Variants in ZNF91 observed in about 807,000 individuals in gnomAD.
The protein encoded by ZNF91 is zinc finger protein 91, also known as zinc finger protein 91 (HPF7, HTF10).
ZNF91 carries 7 observed loss-of-function variants against 12.6 expected under a neutral mutation model. The observed-to-expected ratio is 0.55, with a 90% CI of 0.31 to 1.04. The LOEUF (loss-of-function observed/expected upper bound fraction) is 1.04. Ranked by LOEUF, ZNF91 falls within the 50% of genes least tolerant of loss-of-function variation. ZNF91 has a pLI of 0.05. For synonymous variants in ZNF91, 453 were observed against 462.6 expected (o/e 0.98, Z 0.27); for missense variants, 1,217 against 1,385.4 (o/e 0.88, Z 1.93).
At chr19:23,321,262 T>TATA (rs1467797024) in intron 1 of ZNF91, among the ~76,000 whole-genome samples, 1 of 152,126 alleles carries the variant, frequency 6.6e-6, no homozygotes, top group Non-Finnish European at 1.5e-5. Context: ...ATGACTCTAT[T>TATA]CTCAAGCCTT....
At chr19:23,306,351 C>T (rs1967398837) in intron 3 of ZNF91, among the ~76,000 whole-genome samples, 1 of 152,232 alleles carries the variant, frequency 6.6e-6, no homozygotes. Flanking sequence ...TGATTTGACA[C>T]ATCTGCCTGG....
At position 23,359,879 on chromosome 19, in the gene ZNF91, A is replaced by C; in HGVS notation, c.3100T>G (p.Ser1034Ala). The stretch of plus-strand genomic sequence containing the variant: ...ATCTTATGTGTAGTAAGCTTTGAGG[A>C]TCGATTAAAAGCTTTGCCACATTCT... ...CEECGKAFNR[S>A]SKLTTHKIIH... is the part of the protein sequence containing the mutation. Residue 1034 changes from serine to alanine, a missense_variant, in exon 4 of 4, where the codon TCC becomes GCC. Ser to Ala is a moderately conservative substitution (Grantham distance 99). Around this residue, in one of 2 missense-constraint regions of ZNF91, gnomAD observed 491 missense variants for 489.8 expected, o/e 1.00. Transcript: ENST00000300619. The C allele has an allele frequency of 6.3e-7, 1 of 1,589,004 alleles. No homozygotes were observed. Among genetic ancestry groups the C allele is most frequent in the Non-Finnish European group, 8.6e-7 (1 of 1,160,642 alleles).
At position 23,362,438 on chromosome 19, in the gene ZNF91, A is replaced by G. The variant is rs775092892; in HGVS notation, c.541T>C (p.Cys181Arg). ...RHTIRHTGKK[C>R]FKCKKCVKSF... ...TTGACACATTTTTTACATTTGAAGC[A>G]TTTCTTTCCAGTATGTCTTATCGTA... The change falls in exon 4 of 4, where the codon TGC becomes CGC. Residue 181 changes from cysteine (C) to arginine (R), a missense_variant. This residue lies in a region of ZNF91 where 726 missense variants were observed against 895.5 expected (regional missense o/e 0.81). Coordinates refer to ENST00000300619, the MANE Select transcript of ZNF91 (RefSeq NM_003430.4). 2.2e-5 allele frequency: 35 copies of G among 1,613,718 alleles called. No individual in the cohort carries two copies. The highest frequency in any genetic ancestry group is 1.1e-5 in the South Asian group (1 of 91,054).
Position 23,309,325 on chromosome 19 carries a change from G to A in ZNF91, n.17-228C>T, listed in dbSNP as rs150480463. ...AATAGATGTGACTCTCTTCCTCTGC[G>A]TTCATGCTGCTTATAGAAAAGATTG... On this transcript the variant is annotated intron_variant and non_coding_transcript_variant, in intron 1 of 3. Transcript: ENST00000593292. Among the ~76,000 whole-genome samples, 634 of 152,180 alleles carry A rather than the reference G, an allele frequency of 4.2e-3. 9 individuals are homozygous for A. The highest frequency in any genetic ancestry group is 0.014 in the African/African-American group (595 of 41,544).
At chr19:23,377,970 T>A (rs1054850475) in intron 1 of ZNF91, among the ~76,000 whole-genome samples, 7 of 152,132 alleles carry the variant, frequency 4.6e-5, no homozygotes, top group African/African-American at 7.2e-5. Flanking sequence ...CTCATTTTTT[T>A]AAAAAAATGC....
chr19:23,388,455 C>T (rs1242565335), intron 1 of ZNF91, among the ~76,000 whole-genome samples: 1 of 152,122 alleles, frequency 6.6e-6, no homozygotes, highest in Non-Finnish European at 1.5e-5. Context: ...GAAGGCATTA[C>T]ATTACCTGTT....
intron 1 of ZNF91, among the ~76,000 whole-genome samples, chr19:23,385,544 G>A (rs1286814009): frequency 1.4e-4 from 22 of 152,326 alleles, no homozygotes; most frequent in Non-Finnish European, 2.4e-4. Context: ...AGGCATTGGT[G>A]ATGTTTGGCT....
At chr19:23,389,612 G>C (rs1429326020) in intron 1 of ZNF91, among the ~76,000 whole-genome samples, 1 of 152,092 alleles carries the variant, frequency 6.6e-6, no homozygotes, top group East Asian at 1.9e-4. Context: ...CCTGGAAGGG[G>C]AGCTGGAATC....
At chr19:23,307,952 C>CT (rs1469005484) in intron 2 of ZNF91, 8 of 152,354 alleles carry the variant, frequency 5.3e-5, no homozygotes, top group Admixed American at 4.6e-4. Flanking sequence ...GGTCCAACAC[C>CT]TAGGTGATGT....
intron 1 of ZNF91, among the ~76,000 whole-genome samples, chr19:23,385,473 G>GA (rs911496567): frequency 3.3e-5 from 5 of 149,320 alleles, no homozygotes; most frequent in Admixed American, 1.3e-4. Flanking sequence ...AAACAATTTA[G>GA]AAAAAAAAAA....
intron 1 of ZNF91, chr19:23,328,516 A>G (rs796483124): frequency 1.3e-5 from 2 of 152,332 alleles, no homozygotes; most frequent in African/African-American, 4.8e-5. Context: ...AATGACAGGA[A>G]TGATGAAGTA....
At chr19:23,355,844 T>C (rs1263205657), downstream of ZNF91, among the ~76,000 whole-genome samples, 1 of 152,134 alleles carries the variant, frequency 6.6e-6, no homozygotes, top group African/African-American at 2.4e-5. Flanking sequence ...GCTAAGGACA[T>C]GAATAGAAAA....
chr19:23,377,325 A>G (rs1217676197), intron 1 of ZNF91, among the ~76,000 whole-genome samples: 3 of 152,242 alleles, frequency 2.0e-5, no homozygotes, highest in Non-Finnish European at 2.9e-5. Flanking sequence ...TATCTTCAGA[A>G]CATTAAACAG....
chr19:23,385,702 A>C (rs1454025320), intron 1 of ZNF91, among the ~76,000 whole-genome samples: 16 of 152,000 alleles, frequency 1.1e-4, no homozygotes, highest in Non-Finnish European at 2.4e-4. Context: ...CATATTTAAC[A>C]CCTCAGCCTT....
chr19:23,311,987 G>A (rs1030345227), upstream of ZNF91, among the ~76,000 whole-genome samples: 1 of 151,574 alleles, frequency 6.6e-6, no homozygotes, highest in African/African-American at 2.4e-5. Context: ...AGCCACAGAA[G>A]ACTTTGTGAC....
intron 1 of ZNF91, among the ~76,000 whole-genome samples, chr19:23,383,743 G>A (rs1969790328): frequency 6.6e-6 from 1 of 151,250 alleles, no homozygotes. Context: ...AAAGGCAAAA[G>A]ATGCCTTCTC....
At chr19:23,385,501 G>A (rs944195583) in intron 1 of ZNF91, among the ~76,000 whole-genome samples, 4 of 151,984 alleles carry the variant, frequency 2.6e-5, no homozygotes, top group South Asian at 2.1e-4. Flanking sequence ...TTGGCAAAAC[G>A]AGGAAATCTG....
At chr19:23,388,800 G>C (rs1015983108) in intron 1 of ZNF91, among the ~76,000 whole-genome samples, 1 of 152,104 alleles carries the variant, frequency 6.6e-6, no homozygotes, top group African/African-American at 2.4e-5. Flanking sequence ...CTTGAACCCA[G>C]GAGGTGGAGG....
chr19:23,349,287 C>A (rs1243220224), intron 3 of ZNF91, among the ~76,000 whole-genome samples: 6 of 152,106 alleles, frequency 3.9e-5, no homozygotes, highest in Non-Finnish European at 7.3e-5. Context: ...CTTGGGGTCG[C>A]CATCATGGTC....
Sources: allele counts gnomAD v4.1 joint callset (sites outside exome capture counted in the v4.1 genomes callset), GRCh38; gene constraint gnomAD v4.1.1; regional missense constraint gnomAD v4.1.1; transcripts MANE v1.5; gene names NCBI Gene and HGNC (gene_info 2026-07-23, HGNC 2026-07-21).